Variants in PCDHGA10 observed in about 807,000 individuals in gnomAD.
PCDHGA10 encodes the protein protocadherin gamma subfamily A, 10, also known as protocadherin gamma-A10.
PCDHGA10 carries 42 observed loss-of-function variants against 59.5 expected under a neutral mutation model. The observed-to-expected ratio is 0.71, with a 90% confidence interval of 0.55 to 0.91. The LOEUF (loss-of-function observed/expected upper bound fraction) is 0.91, where lower values mean the gene tolerates loss of function less well. Ranked by LOEUF, PCDHGA10 falls within the 40% of genes least tolerant of loss-of-function variation. The pLI, the probability that PCDHGA10 is intolerant of heterozygous loss-of-function variation, is 0.00. For missense variants in PCDHGA10, 1,111 were observed against 1,198.2 expected (o/e 0.93, Z 1.07); for synonymous variants, 511 against 517.2 (o/e 0.99, Z 0.16).
chr5:141,431,642 G>A lies in PCDHGA10; in HGVS notation c.2436+16031G>A, dbSNP rs762914489. The A allele has an allele frequency of 6.2e-7, 1 of 1,614,272 alleles. No homozygotes were observed. The highest frequency in any genetic ancestry group is 1.1e-5 in the South Asian group (1 of 91,090). On this transcript the variant is annotated intron_variant, in intron 1 of 3. Transcript: ENST00000398610. This position sits in a 1 kb window ranked among gnomAD's most constrained non-coding sequence, Gnocchi z 4.8. ...CAAGGCGGCCCAAGTTTTCAAACTA[G>A]ATTGTAATTCAGGGACAATATCAAC... is the stretch of plus-strand genomic sequence containing the variant.
Position 141,476,878 on chromosome 5 carries a change from G to A in PCDHGA10, c.2437-17929G>A. 2 of 1,613,960 alleles carry A rather than the reference G, an allele frequency of 1.2e-6. No homozygotes were observed. The highest frequency in any genetic ancestry group is 1.7e-6 in the Non-Finnish European group (2 of 1,180,034). Reference sequence around the variant, plus strand: ...AGTCCTTGTACCGGGCGCGCGTCCTGGAGGATGCACCCTCCGGCACGCGCG... The same window carrying A: ...AGTCCTTGTACCGGGCGCGCGTCCTAGAGGATGCACCCTCCGGCACGCGCG... On this transcript the variant is annotated intron_variant, in intron 1 of 3. Transcript: ENST00000398610. This position sits in a 1 kb window ranked among gnomAD's most constrained non-coding sequence, Gnocchi z 7.6.
intron 1 of PCDHGA10, among the ~76,000 whole-genome samples, chr5:141,444,062 A>G (rs1335403906): frequency 6.7e-6 from 1 of 149,402 alleles, no homozygotes; most frequent in African/African-American, 2.5e-5. Context: ...TTCAATCTAG[A>G]TTCTGATGCT....
chr5:141,479,806 G>A (rs1188862048), intron 1 of PCDHGA10, among the ~76,000 whole-genome samples: 1 of 152,182 alleles, frequency 6.6e-6, no homozygotes, highest in Non-Finnish European at 1.5e-5. Context: ...AGGGTGGTAT[G>A]CAAGGATACT....
In PCDHGA10 at chr5:141,486,565, T is replaced by C; in HGVS notation, c.2437-8242T>C. ...TTCAGAGGTCACATGAGGTGTTTGT[T>C]CCTGAGAACAATCGCCCAGGGGACC... On this transcript the variant is annotated intron_variant, in intron 1 of 3. Coordinates refer to ENST00000398610, the MANE Select transcript of PCDHGA10 (RefSeq NM_018913.3). The surrounding 1 kb of genome is among the most constrained non-coding windows in gnomAD (Gnocchi z 5.0). 6.2e-7 allele frequency: 1 copy of C among 1,614,024 alleles called. No homozygotes were observed. Among genetic ancestry groups the C allele is most frequent in the Non-Finnish European group, 8.5e-7 (1 of 1,180,032 alleles).
At position 141,471,056 on chromosome 5, in the gene PCDHGA10, T is replaced by C. The variant is rs1367189715; in HGVS notation, c.2437-23751T>C. On this transcript the variant is annotated intron_variant, in intron 1 of 3. Coordinates refer to ENST00000398610, the MANE Select transcript of PCDHGA10 (RefSeq NM_018913.3). ...ACAAGCCCAAGCCCTCTTTTTTTTT[T>C]TTTTTTTTTTGAGACAGGGTCTCCC... Among the ~76,000 whole-genome samples, 581 of 150,056 alleles carry C rather than the reference T, an allele frequency of 3.9e-3. 6 individuals are homozygous for C. Among genetic ancestry groups the C allele is most frequent in the Admixed American group, 0.011 (167 of 15,092 alleles).
In PCDHGA10 at chr5:141,476,833, C is replaced by T. The variant is rs746365316; in HGVS notation, c.2437-17974C>T. 1.4e-5 allele frequency: 23 copies of T among 1,613,524 alleles called. No homozygotes were observed. Among genetic ancestry groups the T allele is most frequent in the Non-Finnish European group, 1.9e-5 (23 of 1,180,050 alleles). On this transcript the variant is annotated intron_variant, in intron 1 of 3. Coordinates refer to ENST00000398610, the MANE Select transcript of PCDHGA10 (RefSeq NM_018913.3). The surrounding 1 kb of genome is among the most constrained non-coding windows in gnomAD (Gnocchi z 7.6). Reference sequence around the variant, plus strand: ...ACATCAAGGTGCTGGACGCGAATGACAATGCGCCTGTCTTCAACCAGTCCT... The same window carrying T: ...ACATCAAGGTGCTGGACGCGAATGATAATGCGCCTGTCTTCAACCAGTCCT...
At chr5:141,417,256 C>G (rs985322130) in intron 1 of PCDHGA10, 1 of 152,096 alleles carries the variant, frequency 6.6e-6, no homozygotes, top group Non-Finnish European at 1.5e-5. Flanking sequence ...CTTCCAGCTT[C>G]ATAGATAATT....
At position 141,414,671 on chromosome 5, in the gene PCDHGA10, C is replaced by A. The variant is rs115280317; in HGVS notation, c.1496C>A (p.Thr499Asn). Residue 499 changes from threonine to asparagine, a missense_variant, in exon 1 of 4, where the codon ACC becomes AAC. Coordinates refer to ENST00000398610, the MANE Select transcript of PCDHGA10 (RefSeq NM_018913.3). ...AQIIYSLAED[T>N]IQGVPLSSYI... ...ATTATTTACTCCCTGGCTGAAGACA[C>A]CATCCAGGGGGTACCTCTGTCCTCA... 857 of 1,613,966 alleles carry A rather than the reference C, an allele frequency of 5.3e-4. 9 individuals carry two copies. In the African/African-American group the frequency reaches 0.01, roughly 19 times the overall value.
At chr5:141,497,461 A>G (rs541848982) in intron 2 of PCDHGA10, among the ~76,000 whole-genome samples, 2 of 151,526 alleles carry the variant, frequency 1.3e-5, no homozygotes, top group Admixed American at 1.3e-4. Context: ...GCTCTTGGAG[A>G]TATGGAGGAG....
intron 1 of PCDHGA10, among the ~76,000 whole-genome samples, chr5:141,437,741 CT>C (rs35124340): frequency 3.0e-3 from 425 of 141,590 alleles, no homozygotes; most frequent in African/African-American, 3.7e-3. Context: ...TTGAGTTCAC[CT>C]TTTTTTTTTT....
intron 1 of PCDHGA10, chr5:141,422,369 G>A (rs890803753): frequency 6.4e-7 from 1 of 1,566,400 alleles, no homozygotes; most frequent in Non-Finnish European, 8.6e-7. Flanking sequence ...GGAGAAAATG[G>A]TCAAGTCTCC....
intron 1 of PCDHGA10, among the ~76,000 whole-genome samples, chr5:141,438,615 T>C (rs566173071): frequency 5.6e-5 from 2 of 35,920 alleles, no homozygotes; most frequent in Admixed American, 4.1e-4. Flanking sequence ...TATATATATA[T>C]ATATATATAT....
chr5:141,427,983 C>G, intron 1 of PCDHGA10: 2 of 1,596,840 alleles, frequency 1.3e-6, no homozygotes, highest in South Asian at 2.2e-5. Context: ...CGCGCTGGGG[C>G]CCGATGGCTC....
chr5:141,418,693 T>G, intron 1 of PCDHGA10: 1 of 1,614,040 alleles, frequency 6.2e-7, no homozygotes, highest in Admixed American at 1.7e-5. Flanking sequence ...CAGAGATCAC[T>G]TATTCCTTCT....
chr5:141,511,695 C>A lies in PCDHGA10; in HGVS notation c.*522C>A, dbSNP rs1009832192. The A allele has an allele frequency of 9.7e-5, 19 of 195,544 alleles. No individual in the cohort carries two copies. The highest frequency in any genetic ancestry group is 1.7e-4 in the Non-Finnish European group (16 of 92,634). 12.1% of individuals were successfully genotyped at this position (195,544 alleles called of 1,614,324 possible). A position where few individuals can be genotyped will look rare whatever the true frequency, so the allele number is the denominator to read the frequency against. On this transcript the variant is annotated 3_prime_UTR_variant, in exon 4 of 4. Transcript: ENST00000398610. ...CTTCCCCCAAAGCATGGTTTGGTGC[C>A]AGCCCCTTCACCTCCTTCCAGAGCC...
At position 141,432,816 on chromosome 5, in the gene PCDHGA10, C is replaced by A. The variant is rs778545682; in HGVS notation, c.2436+17205C>A. Reference sequence around the variant, plus strand: ...CTCGAGTCTCCAGCTAACTCTGAAACCTCAGACCTCACTCTGTACCTGGTG... The same window carrying A: ...CTCGAGTCTCCAGCTAACTCTGAAAACTCAGACCTCACTCTGTACCTGGTG... On this transcript the variant is annotated intron_variant, in intron 1 of 3. Transcript: ENST00000398610. The surrounding 1 kb of genome is among the most constrained non-coding windows in gnomAD (Gnocchi z 6.0). The A allele has an allele frequency of 7.6e-5, 122 of 1,614,044 alleles. No individual in the cohort carries two copies. The highest frequency in any genetic ancestry group is 3.3e-5 in the Admixed American group (2 of 60,012).
intron 1 of PCDHGA10, among the ~76,000 whole-genome samples, chr5:141,437,434 G>T (rs183505868): frequency 2.6e-5 from 4 of 152,194 alleles, no homozygotes; most frequent in East Asian, 3.8e-4. Context: ...AGCAGCAATA[G>T]CATAGGAATG....
intron 1 of PCDHGA10, among the ~76,000 whole-genome samples, chr5:141,463,318 C>A (rs2099056713): frequency 6.6e-6 from 1 of 151,878 alleles, no homozygotes; most frequent in East Asian, 1.9e-4. Flanking sequence ...ATATCTATTC[C>A]TCAACTCAGC....
At chr5:141,430,931 G>C (rs781580216) in intron 1 of PCDHGA10, 2 of 1,607,530 alleles carry the variant, frequency 1.2e-6, no homozygotes, top group Admixed American at 1.7e-5. Flanking sequence ...GGAGCCCCGG[G>C]AGCTCGCGGA....
Sources: gnomAD v4.1 joint callset for allele counts (sites outside exome capture counted in the v4.1 genomes callset) on GRCh38, gnomAD v4.1.1 for gene constraint, Gnocchi (gnomAD v3.1) non-coding constraint, MANE v1.5 for transcripts, NCBI Gene and HGNC (gene_info 2026-07-23, HGNC 2026-07-21) for gene names.